SCN8A: variants seen among roughly 807,000 people sequenced by gnomAD.
SCN8A encodes sodium channel protein type 8 subunit alpha.
A neutral mutation model predicts 184.1 loss-of-function variants in SCN8A; 30 were observed. The observed-to-expected ratio is 0.16, with a 90% CI of 0.12 to 0.22. SCN8A has a LOEUF of 0.22. Ranked by LOEUF, SCN8A falls within the 10% of genes least tolerant of loss-of-function variation. The pLI is 1.00. For missense variants in SCN8A, 1,057 were observed against 2,498.9 expected, an observed-to-expected ratio of 0.42 and a Z score of 12.30; for synonymous variants, 852 against 907.0, an observed-to-expected ratio of 0.94 and a Z score of 1.09.
chr12:51,768,247 A>G (rs1009808332), intron 16 of SCN8A: 1 of 152,248 alleles, frequency 6.6e-6, no homozygotes, highest in Non-Finnish European at 1.5e-5. Flanking sequence ...ACAAAAATAA[A>G]TAAAGCTTGT....
At chr12:51,757,986 A>G (rs1942702892) in intron 14 of SCN8A, among the ~76,000 whole-genome samples, 1 of 152,218 alleles carries the variant, frequency 6.6e-6, no homozygotes, top group Admixed American at 6.5e-5. Flanking sequence ...CTAAACATTC[A>G]TTTTGTAATT....
intron 11 of SCN8A, among the ~76,000 whole-genome samples, chr12:51,707,506 G>T (rs1035298107): frequency 3.6e-4 from 55 of 152,058 alleles, no homozygotes; most frequent in Admixed American, 3.3e-3. Flanking sequence ...GGCCAGTCTC[G>T]CCTTTTTACG....
At chr12:51,623,850 TG>T (rs1940018118) in intron 1 of SCN8A, among the ~76,000 whole-genome samples, 1 of 151,998 alleles carries the variant, frequency 6.6e-6, no homozygotes, top group Non-Finnish European at 1.5e-5. Context: ...CACCTATGAG[TG>T]AGAACATGCG....
rs948807327 is a variant in SCN8A at position 51,591,251 on chromosome 12, G to GCGCCCACCGCAGTCC, written c.-157_-143dup. On this transcript the variant is annotated 5_prime_UTR_variant, in exon 1 of 27. Transcript: ENST00000627620. Reference sequence around the variant, plus strand: ...CGGGCGCGGGGAGCGCTCCAAGATGGCGCCCACCGCAGTCCCGCCCGCCGC... The same window carrying GCGCCCACCGCAGTCC: ...CGGGCGCGGGGAGCGCTCCAAGATGGCGCCCACCGCAGTCCCGCCCACCGCAGTCCCGCCCGCCGC... 2 of 152,028 alleles carry GCGCCCACCGCAGTCC rather than the reference G, an allele frequency of 1.3e-5. No individual in the cohort carries two copies. Among genetic ancestry groups the GCGCCCACCGCAGTCC allele is most frequent in the Non-Finnish European group, 2.9e-5 (2 of 67,866 alleles). The allele number at this position is 152,028 out of a possible 1,614,324, so 9.4% of individuals were successfully genotyped here.
intron 1 of SCN8A, among the ~76,000 whole-genome samples, chr12:51,622,817 G>T (rs1939993042): frequency 6.6e-6 from 1 of 152,090 alleles, no homozygotes; most frequent in African/African-American, 2.4e-5. Flanking sequence ...CCTACAGAGG[G>T]TATTATCTAC....
intron 2 of SCN8A, among the ~76,000 whole-genome samples, chr12:51,665,531 T>C (rs1030961617): frequency 6.6e-6 from 1 of 152,232 alleles, no homozygotes; most frequent in Non-Finnish European, 1.5e-5. Flanking sequence ...GCTAGCACTT[T>C]AGATATGTTC....
chr12:51,687,016 G>A, intron 4 of SCN8A, 75 bp from the exon 5 acceptor site: 1 of 1,516,382 alleles, frequency 6.6e-7, no homozygotes, highest in East Asian at 2.3e-5. Context: ...CAACACTTCA[G>A]GCAAGTGCTA....
At chr12:51,694,871 T>C (rs747227613) in intron 6 of SCN8A, among the ~76,000 whole-genome samples, 3 of 152,192 alleles carry the variant, frequency 2.0e-5, no homozygotes, top group Non-Finnish European at 4.4e-5. Flanking sequence ...CTGGCAAGAC[T>C]GTAGAGCTTG....
intron 1 of SCN8A, among the ~76,000 whole-genome samples, chr12:51,625,290 A>G (rs577294022): frequency 6.6e-6 from 1 of 152,336 alleles, no homozygotes; most frequent in South Asian, 2.1e-4. Flanking sequence ...TATAATTTGT[A>G]GTCTTTCACC....
Position 51,757,887 on chromosome 12 carries a change from TGAG to T in SCN8A, c.2371-4612_2371-4610del, listed in dbSNP as rs1403074243. Among the ~76,000 whole-genome samples the T allele has an allele frequency of 5.1e-4, 77 of 152,372 alleles. 1 individual carries two copies. Among genetic ancestry groups the T allele is most frequent in the African/African-American group, 1.8e-3 (73 of 41,588 alleles). On this transcript the variant is annotated intron_variant, in intron 14 of 26. Transcript: ENST00000627620. ...AGAACCATTGTTTTATAGAATATTC[TGAG>T]GAGATCAGGACTCCTTTATACTCTT...
intron 1 of SCN8A, among the ~76,000 whole-genome samples, chr12:51,618,630 G>A (rs540125831): frequency 4.6e-5 from 7 of 152,264 alleles, no homozygotes; most frequent in African/African-American, 1.7e-4. Flanking sequence ...GAGCAGCTCT[G>A]TCCAAGGATT....
intron 11 of SCN8A, among the ~76,000 whole-genome samples, chr12:51,720,068 T>C (rs1942026409): frequency 1.1e-5 from 1 of 89,468 alleles, no homozygotes; most frequent in Admixed American, 1.9e-4. Context: ...AGAGCGAGAC[T>C]CCGTCTCAAA....
intron 1 of SCN8A, among the ~76,000 whole-genome samples, chr12:51,613,196 A>G (rs1329619638): frequency 6.6e-6 from 1 of 152,146 alleles, no homozygotes; most frequent in Non-Finnish European, 1.5e-5. Flanking sequence ...ATATTTTCGG[A>G]AAAAGATTTT....
At chr12:51,699,501 A>G (rs1941647575) in intron 6 of SCN8A, 69 bp from the exon 7 acceptor site, 8 of 1,210,536 alleles carry the variant, frequency 6.6e-6, no homozygotes, top group Middle Eastern at 4.9e-4. Flanking sequence ...GCCAGTGGCT[A>G]AGAGGGAGGC....
chr12:51,789,842 CCTTA>C (rs902403583), intron 24 of SCN8A, among the ~76,000 whole-genome samples: 2 of 152,192 alleles, frequency 1.3e-5, no homozygotes, highest in Non-Finnish European at 2.9e-5. Flanking sequence ...AAGTTTACTT[CCTTA>C]CTTGTTCTAG....
chr12:51,807,183 A>G lies in SCN8A; in HGVS notation c.5697A>G (p.Ala1899=). The change falls in exon 27 of 27, where the codon GCA becomes GCG. Residue 1899 remains alanine, a synonymous_variant. Transcript: ENST00000627620. This position sits in a 1 kb window ranked among gnomAD's most constrained non-coding sequence, Gnocchi z 4.5. ...TLRRKQEEVS[A]VVLQRAYRGH... ...GTCGCAAGCAGGAGGAGGTATCTGC[A>G]GTGGTCCTGCAGCGTGCCTACCGGG... The G allele has an allele frequency of 6.2e-7, 1 of 1,614,012 alleles. No homozygotes were observed. The highest frequency in any genetic ancestry group is 8.5e-7 in the Non-Finnish European group (1 of 1,179,894).
intron 1 of SCN8A, among the ~76,000 whole-genome samples, chr12:51,628,480 G>A (rs1056054989): frequency 5.9e-5 from 9 of 152,288 alleles, no homozygotes; most frequent in Middle Eastern, 3.4e-3. Context: ...GATAGGGCAA[G>A]AATTAGCAAT....
intron 13 of SCN8A, among the ~76,000 whole-genome samples, chr12:51,751,143 A>G (rs1233664297): frequency 1.3e-5 from 2 of 152,178 alleles, no homozygotes; most frequent in African/African-American, 4.8e-5. Flanking sequence ...GTTGAGTTTC[A>G]TTTATAACTA....
chr12:51,713,419 T>C, intron 11 of SCN8A: 1 of 814,388 alleles, frequency 1.2e-6, no homozygotes, highest in South Asian at 1.3e-5. Context: ...TACCACACAA[T>C]CTGTGAGTGT....
Sources: allele counts gnomAD v4.1 joint callset (sites outside exome capture counted in the v4.1 genomes callset), GRCh38; gene constraint gnomAD v4.1.1; non-coding constraint Gnocchi (gnomAD v3.1); transcripts MANE v1.5; gene names NCBI Gene and HGNC (gene_info 2026-07-23, HGNC 2026-07-21).